Variants in CCDC169 observed in about 807,000 individuals in gnomAD.
CCDC169 encodes the protein coiled-coil domain containing 169.
CCDC169 carries 30 observed loss-of-function variants against 36.0 expected under a neutral mutation model. That is an observed-to-expected ratio of 0.83 (90% CI 0.62 to 1.13). CCDC169 has a LOEUF of 1.13. Ranked by LOEUF, CCDC169 falls within the 50% of genes most tolerant of loss-of-function variation. The probability of loss-of-function intolerance (pLI) is 0.00; values close to 1 mark genes in which losing one functional copy is unlikely to be tolerated. For synonymous variants in CCDC169, 85 were observed against 81.5 expected, an observed-to-expected ratio of 1.04 and a Z score of -0.23; for missense variants, 245 against 245.9, an observed-to-expected ratio of 1.00 and a Z score of 0.03.
chr13:36,238,862 A>C (rs1437275611), intron 7 of CCDC169, among the ~76,000 whole-genome samples: 2 of 152,170 alleles, frequency 1.3e-5, no homozygotes, highest in Non-Finnish European at 1.5e-5. Context: ...TGATTTACTG[A>C]ATTACAATAG....
chr13:36,293,564 C>T (rs896347899), intron 2 of CCDC169, among the ~76,000 whole-genome samples: 3 of 152,144 alleles, frequency 2.0e-5, no homozygotes, highest in African/African-American at 7.2e-5. Flanking sequence ...CTTGACTGGC[C>T]TGGCAGTCTC....
At chr13:36,258,390 T>C (rs905691565) in intron 4 of CCDC169, among the ~76,000 whole-genome samples, 16 of 152,098 alleles carry the variant, frequency 1.1e-4, no homozygotes, top group Non-Finnish European at 5.9e-5. Flanking sequence ...CCCAGGAAGT[T>C]AGACAATCTT....
At chr13:36,279,634 C>A in intron 4 of CCDC169, among the ~76,000 whole-genome samples, 1 of 152,114 alleles carries the variant, frequency 6.6e-6, no homozygotes, top group Non-Finnish European at 1.5e-5. Context: ...ATTCCATAAC[C>A]TACCAAAGTT....
intron 4 of CCDC169, among the ~76,000 whole-genome samples, chr13:36,279,890 A>G (rs1877288535): frequency 1.3e-5 from 2 of 152,210 alleles, no homozygotes; most frequent in African/African-American, 4.8e-5. Context: ...AGCCTAGAGG[A>G]ACACTTTGCA....
intron 4 of CCDC169, among the ~76,000 whole-genome samples, chr13:36,270,664 C>G (rs1594058922): frequency 2.0e-5 from 3 of 152,218 alleles, no homozygotes; most frequent in African/African-American, 7.2e-5. Flanking sequence ...AAAAACATAA[C>G]TTAGGGAATG....
chr13:36,272,379 G>A (rs996198003), intron 4 of CCDC169, among the ~76,000 whole-genome samples: 16 of 152,092 alleles, frequency 1.1e-4, no homozygotes, highest in African/African-American at 3.6e-4. Flanking sequence ...ATCATAGGCA[G>A]AGAATAGCCC....
chr13:36,289,746 T>C (rs1878649412), intron 2 of CCDC169, among the ~76,000 whole-genome samples: 1 of 152,234 alleles, frequency 6.6e-6, no homozygotes, highest in African/African-American at 2.4e-5. Context: ...AGTTGTTATA[T>C]GCATGTAACC....
At chr13:36,245,559 A>T (rs1307671341) in intron 7 of CCDC169, among the ~76,000 whole-genome samples, 2 of 152,100 alleles carry the variant, frequency 1.3e-5, no homozygotes, top group African/African-American at 4.8e-5. Flanking sequence ...CAGCCTCCCA[A>T]AATGTTGTAT....
intron 2 of CCDC169, among the ~76,000 whole-genome samples, chr13:36,290,986 A>T (rs1878809251): frequency 1.2e-5 from 1 of 81,426 alleles, no homozygotes; most frequent in African/African-American, 3.8e-5. Context: ...ATATAAACTA[A>T]AAAAAAAAAA....
chr13:36,253,986 A>C, intron 5 of CCDC169, 59 bp downstream of exon 5: 1 of 1,527,896 alleles, frequency 6.5e-7, no homozygotes, highest in Non-Finnish European at 8.8e-7. Context: ...AGGTTTGTAG[A>C]TAACATTAGA....
intron 7 of CCDC169, among the ~76,000 whole-genome samples, chr13:36,236,477 A>T (rs1871095135): frequency 6.6e-6 from 1 of 152,014 alleles, no homozygotes; most frequent in African/African-American, 2.4e-5. Context: ...CGCCTACCTC[A>T]CATCATATAC....
chr13:36,244,914 C>T (rs1872315256), intron 7 of CCDC169, among the ~76,000 whole-genome samples: 1 of 151,962 alleles, frequency 6.6e-6, no homozygotes, highest in South Asian at 2.1e-4. Flanking sequence ...TATTTTAATA[C>T]TTAAACTACA....
At chr13:36,269,339 C>T (rs1319682317) in intron 4 of CCDC169, among the ~76,000 whole-genome samples, 7 of 152,098 alleles carry the variant, frequency 4.6e-5, no homozygotes, top group African/African-American at 1.7e-4. Context: ...CTAAATTCTA[C>T]CAGGCATTCA....
At chr13:36,243,338 A>G (rs1872091875) in intron 7 of CCDC169, among the ~76,000 whole-genome samples, 1 of 151,932 alleles carries the variant, frequency 6.6e-6, no homozygotes, top group African/African-American at 2.4e-5. Context: ...TGTCTCTACT[A>G]AAAGTACAAA....
intron 2 of CCDC169, among the ~76,000 whole-genome samples, chr13:36,292,591 T>C (rs1241349826): frequency 1.3e-5 from 2 of 152,212 alleles, no homozygotes; most frequent in Non-Finnish European, 2.9e-5. Flanking sequence ...GTTTACCACC[T>C]GCCTAAAAAC....
chr13:36,285,613 A>AGATAGATAGATG (rs1878124337), intron 2 of CCDC169, among the ~76,000 whole-genome samples: 2 of 150,488 alleles, frequency 1.3e-5, no homozygotes, highest in Non-Finnish European at 3.0e-5. Flanking sequence ...ATAGATAGAT[A>AGATAGATAGATG]GATAGATACA....
chr13:36,241,438 G>C (rs1183103854), intron 7 of CCDC169, among the ~76,000 whole-genome samples: 1 of 152,076 alleles, frequency 6.6e-6, no homozygotes, highest in African/African-American at 2.4e-5. Flanking sequence ...ACTAGCCTGT[G>C]TTCTGACATC....
At chr13:36,281,829 T>C (rs2039456134) in intron 4 of CCDC169, among the ~76,000 whole-genome samples, 1 of 151,676 alleles carries the variant, frequency 6.6e-6, no homozygotes, top group Non-Finnish European at 1.5e-5. Context: ...ACCACTACAC[T>C]CCAGCCTGGG....
At chr13:36,280,008 C>T (rs544402469) in intron 4 of CCDC169, 3 of 151,828 alleles carry the variant, frequency 2.0e-5, no homozygotes, top group Non-Finnish European at 2.9e-5. Context: ...TCATGATGTA[C>T]GTAAATATAC....
Sources: gnomAD v4.1 joint callset for allele counts (sites outside exome capture counted in the v4.1 genomes callset) on GRCh38, gnomAD v4.1.1 for gene constraint, MANE v1.5 for transcripts, NCBI Gene and HGNC (gene_info 2026-07-23, HGNC 2026-07-21) for gene names.